SIDT1: variants seen among roughly 807,000 people sequenced by gnomAD.
The protein encoded by SIDT1 is SID1 transmembrane family member 1.
In SIDT1, 101 loss-of-function variants were observed where a neutral mutation model predicts 107.5. The ratio of observed to expected loss-of-function variants is 0.94; its 90% CI spans 0.80 to 1.11. SIDT1 has a LOEUF of 1.11. SIDT1 is among the 50% of genes least tolerant of loss of function. The pLI, the probability that SIDT1 is intolerant of heterozygous loss-of-function variation, is 0.00. For missense variants in SIDT1, 1,076 were observed against 1,058.2 expected (o/e 1.02, Z -0.23); for synonymous variants, 395 against 398.2 (o/e 0.99, Z 0.10).
At chr3:113,605,588 G>T (rs1465891604) in intron 14 of SIDT1, among the ~76,000 whole-genome samples, 1 of 152,196 alleles carries the variant, frequency 6.6e-6, no homozygotes, top group Non-Finnish European at 1.5e-5. Context: ...AACACTCTGA[G>T]CTTTCTGATC....
intron 1 of SIDT1, among the ~76,000 whole-genome samples, chr3:113,539,636 C>T (rs1938579623): frequency 6.6e-6 from 1 of 152,172 alleles, no homozygotes; most frequent in African/African-American, 2.4e-5. Context: ...GAAGATATCA[C>T]ATCCACATCT....
At chr3:113,625,441 A>T (rs1946785741) in intron 23 of SIDT1, among the ~76,000 whole-genome samples, 1 of 152,012 alleles carries the variant, frequency 6.6e-6, no homozygotes, top group South Asian at 2.1e-4. Flanking sequence ...ACCCGGCCAT[A>T]GCTCTATTTT....
At chr3:113,607,448 A>G (rs966637983) in intron 15 of SIDT1, among the ~76,000 whole-genome samples, 1 of 152,224 alleles carries the variant, frequency 6.6e-6, no homozygotes, top group African/African-American at 2.4e-5. Flanking sequence ...TGAGATAGAC[A>G]TTACTATGAT....
At chr3:113,575,554 A>G (rs1942832528) in intron 3 of SIDT1, among the ~76,000 whole-genome samples, 2 of 152,250 alleles carry the variant, frequency 1.3e-5, no homozygotes, top group African/African-American at 4.8e-5. Context: ...CTGCTTCAGA[A>G]GAACCAATCC....
At position 113,608,537 on chromosome 3, in the gene SIDT1, G is replaced by A. The variant is rs757140838; in HGVS notation, c.1720+1G>A. The stretch of plus-strand genomic sequence containing the variant: ...CCTAATTATTCCAACTTCCAATTCG[G>A]TAATTAGAACTTATATCTACTATAC... On this transcript the variant is annotated splice_donor_variant, in intron 17 of 24. Coordinates refer to ENST00000264852, the MANE Select transcript of SIDT1 (RefSeq NM_017699.3). LOFTEE classifies it high-confidence loss of function. 6.3e-7 allele frequency: 1 copy of A among 1,586,758 alleles called. No individual in the cohort carries two copies. Among genetic ancestry groups the A allele is most frequent in the South Asian group, 1.1e-5 (1 of 90,498 alleles).
intron 10 of SIDT1, among the ~76,000 whole-genome samples, chr3:113,593,394 T>C (rs1002230289): frequency 1.3e-5 from 2 of 152,188 alleles, no homozygotes; most frequent in African/African-American, 4.8e-5. Flanking sequence ...GCAAACCCTA[T>C]TGTGAACTGT....
rs1191492924 is a variant in SIDT1 at position 113,546,517 on chromosome 3, C to T, written c.222+13274C>T. Among the ~76,000 whole-genome samples, 3 of 152,078 alleles carry T rather than the reference C, an allele frequency of 2.0e-5. No individual in the cohort carries two copies. The East Asian group carries it at 5.8e-4, about 29-fold the overall frequency. On this transcript the variant is annotated intron_variant, in intron 1 of 24. Coordinates refer to ENST00000264852, the MANE Select transcript of SIDT1 (RefSeq NM_017699.3). The stretch of plus-strand genomic sequence containing the variant: ...CCCTTGCTGGCATTCCTGCTGAGTA[C>T]CATGTCAATAAGATTGCTATCATGT...
intron 23 of SIDT1, among the ~76,000 whole-genome samples, chr3:113,624,429 T>C (rs1205041072): frequency 6.6e-6 from 1 of 152,250 alleles, no homozygotes; most frequent in Non-Finnish European, 1.5e-5. Flanking sequence ...ACATACATAG[T>C]ACTTCATGTC....
At chr3:113,547,490 T>G (rs1314894226) in intron 1 of SIDT1, among the ~76,000 whole-genome samples, 1 of 152,166 alleles carries the variant, frequency 6.6e-6, no homozygotes, top group Non-Finnish European at 1.5e-5. Context: ...ATTTTTTGTT[T>G]TTGCTGTGAC....
At chr3:113,603,872 A>T in intron 12 of SIDT1, 88 bp from the exon 13 acceptor site, 1 of 835,206 alleles carries the variant, frequency 1.2e-6, no homozygotes. Flanking sequence ...TTTTAATTTA[A>T]ATTGAGACAT....
At position 113,584,730 on chromosome 3, in the gene SIDT1, A is replaced by T; in HGVS notation, c.868A>T (p.Lys290Ter). 1.2e-6 allele frequency: 2 copies of T among 1,602,414 alleles called. No homozygotes were observed. The highest frequency in any genetic ancestry group is 1.7e-6 in the Non-Finnish European group (2 of 1,176,934). Residue 290 changes from lysine (K) to a stop codon, truncating the protein, a stop_gained, in exon 8 of 25, where the codon AAA (lysine) becomes TAA (stop). Transcript: ENST00000264852. LOFTEE classifies it high-confidence loss of function. ...KENQTWNLQR[K>*]KNLEVTIVPS... ...AAACCAGACCTGGAATCTACAGCGA[A>T]AAAAGAACCTTGAAGTGACCATTGT... is the stretch of plus-strand genomic sequence containing the variant.
At chr3:113,551,116 A>G (rs577029782) in intron 1 of SIDT1, among the ~76,000 whole-genome samples, 21 of 152,328 alleles carry the variant, frequency 1.4e-4, no homozygotes, top group African/African-American at 4.8e-4. Context: ...ATGGCTGTGT[A>G]GTATTCCATG....
chr3:113,629,257 A>G lies in SIDT1; in HGVS notation c.*1549A>G, dbSNP rs1375063757. 2.6e-5 allele frequency: 4 copies of G among 152,170 alleles called. No homozygotes were observed. The East Asian group carries it at 5.8e-4, about 22-fold the overall frequency. 9.4% of individuals were successfully genotyped at this position (152,170 alleles called of 1,614,324 possible). A position where few individuals can be genotyped will look rare whatever the true frequency, so the allele number is the denominator to read the frequency against. On this transcript the variant is annotated 3_prime_UTR_variant, in exon 25 of 25. Coordinates refer to ENST00000264852, the MANE Select transcript of SIDT1 (RefSeq NM_017699.3). ...GTTGCTTTCAATGAAATATTTTGTG[A>G]TTTTTTTAAAGTCCCCAAATGTGTA...
chr3:113,566,324 GTGTT>G, intron 1 of SIDT1, 92 bp from the exon 2 acceptor site: 6 of 1,194,606 alleles, frequency 5.0e-6, no homozygotes, highest in South Asian at 1.4e-5. Context: ...TATGGTGTGT[GTGTT>G]TGTGTGTGTT....
chr3:113,594,415 G>A (rs1261590124), intron 10 of SIDT1, among the ~76,000 whole-genome samples: 1 of 152,102 alleles, frequency 6.6e-6, no homozygotes, highest in South Asian at 2.1e-4. Flanking sequence ...AAAAAGTTTT[G>A]TGCCTCCAAG....
intron 7 of SIDT1, among the ~76,000 whole-genome samples, chr3:113,584,160 A>T (rs746886462): frequency 1.2e-4 from 18 of 152,342 alleles, no homozygotes; most frequent in Admixed American, 7.2e-4. Flanking sequence ...TGTTGAGTGT[A>T]ACATCATTTC....
intron 1 of SIDT1, among the ~76,000 whole-genome samples, chr3:113,537,390 G>T (rs963464265): frequency 2.0e-5 from 3 of 152,154 alleles, no homozygotes; most frequent in Non-Finnish European, 4.4e-5. Context: ...ACAATGAAAT[G>T]CCCATGTGGA....
In SIDT1 at chr3:113,579,627, G is replaced by T. The variant is rs569163928; in HGVS notation, c.562-981G>T. Among the ~76,000 whole-genome samples, 47 of 152,208 alleles carry T rather than the reference G, an allele frequency of 3.1e-4. No individual in the cohort carries two copies. In the South Asian group the frequency reaches 9.3e-3, roughly 30 times the overall value. ...TCAGAAAGCTTTGGATTATTAAAAA[G>T]GATTCCATTTTTATTGTCCTGGTAC... is the stretch of plus-strand genomic sequence containing the variant. On this transcript the variant is annotated intron_variant, in intron 4 of 24. Coordinates refer to ENST00000264852, the MANE Select transcript of SIDT1 (RefSeq NM_017699.3).
intron 3 of SIDT1, among the ~76,000 whole-genome samples, chr3:113,569,873 C>T (rs534679627): frequency 3.9e-4 from 60 of 152,226 alleles, no homozygotes; most frequent in African/African-American, 1.3e-3. Flanking sequence ...AACCACTACC[C>T]TAAAATGATT....
Sources: allele counts gnomAD v4.1 joint callset (sites outside exome capture counted in the v4.1 genomes callset), GRCh38; gene constraint gnomAD v4.1.1; transcripts MANE v1.5; gene names NCBI Gene and HGNC (gene_info 2026-07-23, HGNC 2026-07-21).